RTN4: variants seen among roughly 807,000 people sequenced by gnomAD.
RTN4 encodes the protein reticulon 4.
In RTN4, 32 loss-of-function variants were observed where a neutral mutation model predicts 90.4. The observed-to-expected ratio is 0.35, with a 90% CI of 0.27 to 0.48. The LOEUF is 0.48. RTN4 is among the 20% of genes least tolerant of loss of function. RTN4 has a pLI of 0.99. For synonymous variants in RTN4, 629 were observed against 552.5 expected, an observed-to-expected ratio of 1.14 and a Z score of -1.94; for missense variants, 1,706 against 1,430.2, an observed-to-expected ratio of 1.19 and a Z score of -3.11.
At chr2:55,063,236 T>C (rs1298611253) in intron 2 of RTN4, among the ~76,000 whole-genome samples, 4 of 152,126 alleles carry the variant, frequency 2.6e-5, no homozygotes, top group Non-Finnish European at 5.9e-5. Context: ...AAATAGAAGA[T>C]GGGAATAGAA....
At chr2:54,974,643 TG>T (rs1261584139) in intron 6 of RTN4, 51 bp downstream of exon 6, 18 of 1,363,086 alleles carry the variant, frequency 1.3e-5, no homozygotes, top group Non-Finnish European at 1.9e-5. Context: ...TCTAAGCTCC[TG>T]GCACACAATC....
chr2:55,088,855 C>T (rs1005738280), intron 1 of RTN4, among the ~76,000 whole-genome samples: 1 of 152,198 alleles, frequency 6.6e-6, no homozygotes, highest in South Asian at 2.1e-4. Context: ...CCTCATTAGA[C>T]AACATTATTT....
At chr2:55,130,594 T>A in the RTN4 span, among the ~76,000 whole-genome samples, 1 of 151,938 alleles carries the variant, frequency 6.6e-6, no homozygotes, top group Non-Finnish European at 1.5e-5. Context: ...CTACGAAAAA[T>A]ACAAAAATTA....
At chr2:55,037,209 C>A (rs1375939758) in intron 1 of RTN4, among the ~76,000 whole-genome samples, 3 of 152,188 alleles carry the variant, frequency 2.0e-5, no homozygotes, top group African/African-American at 7.2e-5. Flanking sequence ...CTGAAACACA[C>A]TGCTGAGAGA....
At position 55,026,856 on chromosome 2, in the gene RTN4, T is replaced by A; in HGVS notation, c.1243A>T (p.Asn415Tyr). ...TTTTTATCCACTTTACTTTCCAAGT[T>A]GCTCTCGATTTTACCTCCAGCAGCC... ...MLAAGGKIESNLESKVDKKCF... is the reference protein window; with the variant it reads ...MLAAGGKIESYLESKVDKKCF... The change falls in exon 3 of 9, where the codon AAC becomes TAC. Residue 415 changes from asparagine (N) to tyrosine (Y), a missense_variant. Asn to Tyr is a moderately radical substitution (Grantham distance 143, BLOSUM62 -2). Coordinates refer to ENST00000337526, the MANE Select transcript of RTN4 (RefSeq NM_020532.5). 6.2e-7 allele frequency: 1 copy of A among 1,613,940 alleles called. No individual in the cohort carries two copies. The highest frequency in any genetic ancestry group is 8.5e-7 in the Non-Finnish European group (1 of 1,179,892).
chr2:55,059,422 C>T (rs773878549), intron 2 of RTN4, among the ~76,000 whole-genome samples: 7 of 151,936 alleles, frequency 4.6e-5, no homozygotes, highest in Non-Finnish European at 8.8e-5. Context: ...GGTGCGATCA[C>T]GGCTCACTGT....
chr2:55,113,395 CAG>C (rs984217635), upstream of RTN4, among the ~76,000 whole-genome samples: 1 of 152,194 alleles, frequency 6.6e-6, no homozygotes, highest in Non-Finnish European at 1.5e-5. Flanking sequence ...TCACAAACAA[CAG>C]AGGAGGATCT....
intron 1 of RTN4, among the ~76,000 whole-genome samples, chr2:55,033,479 CA>C (rs1682471467): frequency 6.6e-6 from 1 of 152,272 alleles, no homozygotes; most frequent in African/African-American, 2.4e-5. Flanking sequence ...GCGGGTCATC[CA>C]AAGTACAAGT....
chr2:55,115,431 G>A (rs182981923), upstream of RTN4, among the ~76,000 whole-genome samples: 33 of 152,204 alleles, frequency 2.2e-4, no homozygotes, highest in South Asian at 1.5e-3. Flanking sequence ...AAGAACTTCC[G>A]TGATTACACT....
intron 3 of RTN4, among the ~76,000 whole-genome samples, chr2:54,995,590 T>C (rs989368426): frequency 6.6e-6 from 1 of 152,330 alleles, no homozygotes; most frequent in East Asian, 1.9e-4. Context: ...CATTCGTTCA[T>C]TCATTTTCTA....
intron 3 of RTN4, among the ~76,000 whole-genome samples, chr2:55,009,236 A>G (rs1296496623): frequency 6.6e-6 from 1 of 152,146 alleles, no homozygotes; most frequent in Admixed American, 6.5e-5. Flanking sequence ...TAGAATGTCT[A>G]TTTTGGACTA....
At chr2:55,119,008 A>G in the RTN4 span, among the ~76,000 whole-genome samples, 28 of 152,344 alleles carry the variant, frequency 1.8e-4, no homozygotes, top group Non-Finnish European at 2.6e-4. Context: ...AGGCAGAGAG[A>G]TATCGGGGGA....
chr2:54,998,211 G>T (rs1267450384), intron 3 of RTN4, among the ~76,000 whole-genome samples: 1 of 147,186 alleles, frequency 6.8e-6, no homozygotes, highest in East Asian at 2.1e-4. Flanking sequence ...AGGAGTGACT[G>T]CTAGAGGGTG....
chr2:55,078,003 T>G (rs1461386292), intron 2 of RTN4, among the ~76,000 whole-genome samples: 1 of 151,898 alleles, frequency 6.6e-6, no homozygotes, highest in East Asian at 1.9e-4. Flanking sequence ...GTTTGGGGAC[T>G]TTGGGGACTC....
Position 55,062,012 on chromosome 2 carries a change from ATCAAGAGCACG to A in RTN4, c.-63+18466_-63+18476del, listed in dbSNP as rs149046465. ...ACAAGCGGTTGGATTTCGAGAGGACATCAAGAGCACGTCAAGAGCACGTCAAGAGCACACGG... is the reference window on the plus strand; with the variant it reads ...ACAAGCGGTTGGATTTCGAGAGGACATCAAGAGCACGTCAAGAGCACACGG... On this transcript the variant is annotated intron_variant, in intron 2 of 3. Coordinates refer to the RTN4 transcript ENST00000427710. Among the ~76,000 whole-genome samples, 424 of 151,122 alleles carry A rather than the reference ATCAAGAGCACG, an allele frequency of 2.8e-3. No individual in the cohort carries two copies. The Middle Eastern group carries it at 0.041, about 15-fold the overall frequency.
At chr2:55,067,801 T>C (rs1298846840) in intron 2 of RTN4, among the ~76,000 whole-genome samples, 2 of 152,248 alleles carry the variant, frequency 1.3e-5, no homozygotes, top group African/African-American at 2.4e-5. Flanking sequence ...CTGTGGATTT[T>C]AGCTATTAAT....
chr2:55,050,310 G>T lies in RTN4; in HGVS notation c.-10C>A. 1.4e-6 allele frequency: 2 copies of T among 1,407,068 alleles called. No individual in the cohort carries two copies. Among genetic ancestry groups the T allele is most frequent in the Non-Finnish European group, 9.3e-7 (1 of 1,079,458 alleles). 87.2% of individuals were successfully genotyped at this position (1,407,068 alleles called of 1,614,324 possible). On this transcript the variant is annotated 5_prime_UTR_variant, in exon 1 of 9. Coordinates refer to ENST00000337526, the MANE Select transcript of RTN4 (RefSeq NM_020532.5). The surrounding 1 kb of genome is among the most constrained non-coding windows in gnomAD (Gnocchi z 4.6). Reference sequence around the variant, plus strand: ...GGTCCAGGTCTTCCATGGCTGGAGGGTGGAGATGATGCTGCAGCTGCTGCC... The same window carrying T: ...GGTCCAGGTCTTCCATGGCTGGAGGTTGGAGATGATGCTGCAGCTGCTGCC...
intron 3 of RTN4, among the ~76,000 whole-genome samples, chr2:55,022,916 C>CACACACACAA (rs1681548676): frequency 6.6e-6 from 1 of 151,742 alleles, no homozygotes; most frequent in Non-Finnish European, 1.5e-5. Flanking sequence ...CACACACACA[C>CACACACACAA]ACACACACAC....
intron 1 of RTN4, among the ~76,000 whole-genome samples, chr2:55,043,857 G>T (rs934071769): frequency 2.0e-5 from 3 of 151,958 alleles, no homozygotes; most frequent in African/African-American, 7.3e-5. Flanking sequence ...CTGCACTCCA[G>T]CCTGGGCTAC....
Sources: gnomAD v4.1 joint callset for allele counts (sites outside exome capture counted in the v4.1 genomes callset) on GRCh38, gnomAD v4.1.1 for gene constraint, Gnocchi (gnomAD v3.1) non-coding constraint, MANE v1.5 for transcripts, NCBI Gene and HGNC (gene_info 2026-07-23, HGNC 2026-07-21) for gene names.